DSCAM: variants seen among roughly 807,000 people sequenced by gnomAD.
The protein encoded by DSCAM is cell adhesion molecule DSCAM.
A neutral mutation model predicts 217.7 loss-of-function variants in DSCAM; 47 were observed. The ratio of observed to expected loss-of-function variants is 0.22; its 90% confidence interval spans 0.17 to 0.28. DSCAM has a LOEUF of 0.28. Among genes scored for constraint, DSCAM ranks in the 10% least tolerant of loss-of-function variants. The probability of loss-of-function intolerance (pLI) is 1.00; values close to 1 mark genes in which losing one functional copy is unlikely to be tolerated. For missense variants in DSCAM, 2,080 were observed against 2,618.3 expected (o/e 0.79, Z 4.49); for synonymous variants, 1,056 against 1,015.3 (o/e 1.04, Z -0.76).
chr21:40,756,453 A>T (rs2091277331), intron 1 of DSCAM, among the ~76,000 whole-genome samples: 1 of 152,046 alleles, frequency 6.6e-6, no homozygotes, highest in Non-Finnish European at 1.5e-5. Flanking sequence ...GTGCATTGGC[A>T]TGATCTCGGT....
chr21:40,513,634 G>A (rs139780915), intron 3 of DSCAM, among the ~76,000 whole-genome samples: 54 of 152,114 alleles, frequency 3.5e-4, no homozygotes, highest in Middle Eastern at 6.8e-3. Context: ...AAAAGAACTC[G>A]CTCATTATCA....
chr21:40,312,787 T>C (rs1027257647), intron 8 of DSCAM, among the ~76,000 whole-genome samples: 11 of 152,282 alleles, frequency 7.2e-5, no homozygotes, highest in Admixed American at 2.0e-4. Flanking sequence ...GCCTTGTAAA[T>C]AGGCATATTC....
chr21:40,329,139 T>G (rs2074348748), intron 8 of DSCAM, among the ~76,000 whole-genome samples: 1 of 152,216 alleles, frequency 6.6e-6, no homozygotes, highest in Non-Finnish European at 1.5e-5. Flanking sequence ...AACCACCATA[T>G]TTTCTAGCAA....
chr21:40,344,848 T>G (rs2074541174), intron 6 of DSCAM, among the ~76,000 whole-genome samples: 1 of 152,334 alleles, frequency 6.6e-6, no homozygotes, highest in African/African-American at 2.4e-5. Flanking sequence ...CTCTGAATAC[T>G]TTTTTCTTCT....
At chr21:40,657,515 T>C (rs773932442) in intron 3 of DSCAM, among the ~76,000 whole-genome samples, 3 of 152,070 alleles carry the variant, frequency 2.0e-5, no homozygotes, top group Non-Finnish European at 4.4e-5. Context: ...ATGGACCAAT[T>C]CCAGGGCTTT....
At chr21:40,208,672 C>A (rs972281633) in intron 11 of DSCAM, among the ~76,000 whole-genome samples, 1 of 152,134 alleles carries the variant, frequency 6.6e-6, no homozygotes, top group Non-Finnish European at 1.5e-5. Flanking sequence ...TGTGAAGGAA[C>A]ATTTTGAGTA....
intron 3 of DSCAM, among the ~76,000 whole-genome samples, chr21:40,579,139 A>T (rs8129702): frequency 0.038 from 5,760 of 152,206 alleles, 310 homozygotes; most frequent in African/African-American, 0.12. Context: ...CACAGACCAC[A>T]GCCCACCACA....
chr21:40,078,263 T>TGTTTTTGC (rs1467017530), intron 26 of DSCAM, among the ~76,000 whole-genome samples: 1 of 152,312 alleles, frequency 6.6e-6, no homozygotes, highest in East Asian at 1.9e-4. Context: ...CATGGAAAAT[T>TGTTTTTGC]GTTTTTGCAC....
chr21:40,584,278 G>A (rs1443003712), intron 3 of DSCAM, among the ~76,000 whole-genome samples: 2 of 152,120 alleles, frequency 1.3e-5, no homozygotes, highest in East Asian at 1.9e-4. Flanking sequence ...TTACCTCATG[G>A]TAGAAGTAAC....
chr21:40,258,074 T>C (rs1313530552), intron 11 of DSCAM, among the ~76,000 whole-genome samples: 1 of 152,254 alleles, frequency 6.6e-6, no homozygotes, highest in Non-Finnish European at 1.5e-5. Flanking sequence ...TGGCCCATTC[T>C]GTATCAATCT....
At chr21:40,529,434 G>T (rs2076426046) in intron 3 of DSCAM, among the ~76,000 whole-genome samples, 2 of 152,078 alleles carry the variant, frequency 1.3e-5, no homozygotes, top group Admixed American at 6.5e-5. Context: ...GTGTTTATTA[G>T]GAGCAACCTT....
At chr21:40,434,211 C>T (rs2075562796) in intron 3 of DSCAM, among the ~76,000 whole-genome samples, 1 of 152,144 alleles carries the variant, frequency 6.6e-6, no homozygotes, top group Admixed American at 6.5e-5. Context: ...TAATGCCACA[C>T]AAAGTCCACC....
Position 40,187,216 on chromosome 21 carries a change from T to C in DSCAM, c.2694A>G (p.Ala898=), listed in dbSNP as rs771136930. Residue 898 remains alanine, a synonymous_variant, in exon 14 of 33, where the codon GCA becomes GCG. Coordinates refer to ENST00000400454, the MANE Select transcript of DSCAM (RefSeq NM_001389.5). The part of the protein sequence containing the change: ...PPEIEIKDVK[A]RTITLRWTMG... Reference sequence around the variant, plus strand: ...TGGTCCACCTGAGCGTAATTGTGCGTGCTTTGACATCTTTGATCTCAATTT... The same window carrying C: ...TGGTCCACCTGAGCGTAATTGTGCGCGCTTTGACATCTTTGATCTCAATTT... 9 of 1,614,138 alleles carry C rather than the reference T, an allele frequency of 5.6e-6. No individual in the cohort carries two copies. The highest frequency in any genetic ancestry group is 7.6e-6 in the Non-Finnish European group (9 of 1,179,986).
At chr21:40,293,106 A>T (rs1484155094) in intron 10 of DSCAM, among the ~76,000 whole-genome samples, 1 of 152,188 alleles carries the variant, frequency 6.6e-6, no homozygotes, top group Non-Finnish European at 1.5e-5. Context: ...AGTGTTGGAG[A>T]TATCCAGTTG....
intron 3 of DSCAM, among the ~76,000 whole-genome samples, chr21:40,393,708 A>G (rs1404517106): frequency 1.3e-5 from 2 of 152,158 alleles, no homozygotes; most frequent in Non-Finnish European, 2.9e-5. Flanking sequence ...CTACATATAT[A>G]TAGTATTTAG....
chr21:40,612,392 C>T (rs1015934590), intron 3 of DSCAM, among the ~76,000 whole-genome samples: 1 of 152,080 alleles, frequency 6.6e-6, no homozygotes, highest in Admixed American at 6.5e-5. Flanking sequence ...TGTGACTACC[C>T]AGAAAGCACC....
At chr21:40,333,152 A>G (rs2074394461) in intron 8 of DSCAM, among the ~76,000 whole-genome samples, 1 of 152,182 alleles carries the variant, frequency 6.6e-6, no homozygotes, top group South Asian at 2.1e-4. Context: ...CATGAACAAA[A>G]TAAGAAAGTC....
intron 3 of DSCAM, among the ~76,000 whole-genome samples, chr21:40,649,116 T>G (rs62223648): frequency 0.38 from 57,625 of 151,752 alleles, 11,707 homozygotes; most frequent in East Asian, 0.6. Context: ...ATTAAGCTAA[T>G]AGTCATCAGG....
chr21:40,729,918 A>C (rs2090995144), intron 1 of DSCAM, among the ~76,000 whole-genome samples: 1 of 152,210 alleles, frequency 6.6e-6, no homozygotes, highest in South Asian at 2.1e-4. Context: ...TTTGCCTATC[A>C]CACTAGAATG....
Sources: gnomAD v4.1 joint callset for allele counts (sites outside exome capture counted in the v4.1 genomes callset) on GRCh38, gnomAD v4.1.1 for gene constraint, MANE v1.5 for transcripts, NCBI Gene and HGNC (gene_info 2026-07-23, HGNC 2026-07-21) for gene names.